The following NRXN3 variants were observed in gnomAD, a reference collection of about 807,000 sequenced individuals.
The protein encoded by NRXN3 is neurexin 3.
In NRXN3, 32 loss-of-function variants were observed where a neutral mutation model predicts 137.6. That is an observed-to-expected ratio of 0.23 (90% CI 0.18 to 0.31). The LOEUF (loss-of-function observed/expected upper bound fraction) is 0.31, where lower values mean the gene tolerates loss of function less well. Ranked by LOEUF, NRXN3 falls within the 10% of genes least tolerant of loss-of-function variation. The pLI is 1.00. For synonymous variants in NRXN3, 798 were observed against 784.5 expected (o/e 1.02, Z -0.29); for missense variants, 1,574 against 2,062.5 (o/e 0.76, Z 4.59).
rs570735616 is a variant in NRXN3 at position 79,548,216 on chromosome 14, G to A, written c.3444+80814G>A. The stretch of plus-strand genomic sequence containing the variant: ...CTCCACCCACCTGACAGGTCTCAGT[G>A]TGTGATGTTCCCCTCCTTGTGTCCA... On this transcript the variant is annotated intron_variant, in intron 16 of 20. Transcript: ENST00000335750. 2.0e-5 allele frequency among the ~76,000 whole-genome samples: 3 copies of A among 152,158 alleles called. No homozygotes were observed. The South Asian group carries it at 6.2e-4, about 32-fold the overall frequency.
At chr14:78,363,726 C>T (rs904367908) in intron 4 of NRXN3, among the ~76,000 whole-genome samples, 2 of 152,176 alleles carry the variant, frequency 1.3e-5, no homozygotes, top group Non-Finnish European at 2.9e-5. Flanking sequence ...TTCCATGCAT[C>T]CACTGTGAAC....
chr14:79,769,305 C>T lies in NRXN3; in HGVS notation c.4015-35807C>T, dbSNP rs1475954787. 2.7e-5 allele frequency among the ~76,000 whole-genome samples: 4 copies of T among 150,772 alleles called. No individual in the cohort carries two copies. In the East Asian group the frequency reaches 7.8e-4, roughly 30 times the overall value. On this transcript the variant is annotated intron_variant, in intron 19 of 20. Coordinates refer to ENST00000335750, the MANE Select transcript of NRXN3 (RefSeq NM_001330195.2). Reference sequence around the variant, plus strand: ...AAGATACTCCTCGAGAAGAGCAACTCCAAGACACATAATTGTCAGATTCAC... The same window carrying T: ...AAGATACTCCTCGAGAAGAGCAACTTCAAGACACATAATTGTCAGATTCAC...
At chr14:79,463,945 T>A (rs2096387116) in intron 15 of NRXN3, among the ~76,000 whole-genome samples, 1 of 152,212 alleles carries the variant, frequency 6.6e-6, no homozygotes, top group South Asian at 2.1e-4. Flanking sequence ...ATTAACTTTT[T>A]TATTTGAATA....
chr14:78,225,010 C>G (rs918963319), intron 1 of NRXN3, among the ~76,000 whole-genome samples: 3 of 152,168 alleles, frequency 2.0e-5, no homozygotes, highest in African/African-American at 7.2e-5. Context: ...TCATGATCCA[C>G]CTGCCTCGGC....
chr14:79,199,466 C>A (rs964191404), intron 15 of NRXN3, among the ~76,000 whole-genome samples: 4 of 152,262 alleles, frequency 2.6e-5, no homozygotes, highest in African/African-American at 9.6e-5. Flanking sequence ...AAACAAACTA[C>A]AATGTTCACT....
chr14:78,214,846 A>C (rs1384228417), intron 1 of NRXN3, among the ~76,000 whole-genome samples: 1 of 151,938 alleles, frequency 6.6e-6, no homozygotes, highest in African/African-American at 2.4e-5. Flanking sequence ...ACTCGAGTGC[A>C]CTCTTTGCTG....
chr14:79,156,727 T>C (rs997893641), intron 15 of NRXN3, among the ~76,000 whole-genome samples: 47 of 151,908 alleles, frequency 3.1e-4, no homozygotes, highest in African/African-American at 1.1e-3. Context: ...GTCTACAGAA[T>C]CCAAGTAAAG....
In NRXN3 at chr14:78,243,901, C is replaced by T. The variant is rs2067314274; in HGVS notation, c.709+99C>T. On this transcript the variant is annotated intron_variant, in intron 2 of 20. Coordinates refer to ENST00000335750, the MANE Select transcript of NRXN3 (RefSeq NM_001330195.2). The surrounding 1 kb of genome is among the most constrained non-coding windows in gnomAD (Gnocchi z 4.2). ...GTTCTATATGGATGCATATCTTTAGCTGCATGTTAGATCACTGGGCCCCTT... is the reference window on the plus strand; with the variant it reads ...GTTCTATATGGATGCATATCTTTAGTTGCATGTTAGATCACTGGGCCCCTT... 1 of 877,968 alleles carries T rather than the reference C, an allele frequency of 1.1e-6. No homozygotes were observed. The highest frequency in any genetic ancestry group is 1.7e-5 in the South Asian group (1 of 59,530). 54.4% of individuals were successfully genotyped at this position (877,968 alleles called of 1,614,324 possible).
intron 19 of NRXN3, among the ~76,000 whole-genome samples, chr14:79,784,661 G>A (rs992689218): frequency 7.9e-5 from 11 of 139,368 alleles, no homozygotes; most frequent in African/African-American, 2.7e-4. Context: ...GTTCAAACGA[G>A]CACAGCATGG....
rs75761696 is a variant in NRXN3, at chr14:78,991,406, C to G, written c.3262+3265C>G. 7.0e-3 allele frequency among the ~76,000 whole-genome samples: 1,061 copies of G among 152,176 alleles called. 12 individuals are homozygous for G. The highest frequency in any genetic ancestry group is 0.024 in the African/African-American group (1,006 of 41,516). Reference sequence around the variant, plus strand: ...TGCATATAGCTCAAACAAATTGTATCCATTTAAATGCTATCATAGGACCAT... The same window carrying G: ...TGCATATAGCTCAAACAAATTGTATGCATTTAAATGCTATCATAGGACCAT... On this transcript the variant is annotated intron_variant, in intron 15 of 20. Coordinates refer to ENST00000335750, the MANE Select transcript of NRXN3 (RefSeq NM_001330195.2).
At position 79,527,934 on chromosome 14, in the gene NRXN3, A is replaced by G. The variant is rs17109365; in HGVS notation, c.3444+60532A>G. Among the ~76,000 whole-genome samples the G allele has an allele frequency of 9.6e-3, 1,462 of 152,020 alleles. 60 individuals carry two copies. The East Asian group carries it at 0.12, about 13-fold the overall frequency. On this transcript the variant is annotated intron_variant, in intron 16 of 20. Transcript: ENST00000335750. ...CAGTAGTAGCAGGAGTAGTAGTAGT[A>G]ACAGATAAAACCTATCATTGGCAGC...
chr14:78,404,936 A>G (rs2092382939), intron 4 of NRXN3, among the ~76,000 whole-genome samples: 1 of 152,174 alleles, frequency 6.6e-6, no homozygotes, highest in Non-Finnish European at 1.5e-5. Flanking sequence ...GTCTACTTTC[A>G]TCTCTGTCTT....
chr14:79,793,649 A>AG (rs1175170345), intron 19 of NRXN3, among the ~76,000 whole-genome samples: 1 of 152,214 alleles, frequency 6.6e-6, no homozygotes, highest in Non-Finnish European at 1.5e-5. Context: ...CCAAAAATCC[A>AG]GAAAAAAAAG....
intron 4 of NRXN3, among the ~76,000 whole-genome samples, chr14:78,442,784 T>C (rs2094301177): frequency 6.6e-6 from 1 of 152,230 alleles, no homozygotes; most frequent in Admixed American, 6.5e-5. Context: ...GCTTTTATTG[T>C]TAAACAACAT....
chr14:78,915,345 CAAAAAAAAAAAAAAA>C (rs35908076), intron 10 of NRXN3, among the ~76,000 whole-genome samples: 4 of 11,196 alleles, frequency 3.6e-4, no homozygotes, highest in Non-Finnish European at 7.7e-4. Context: ...ACGTGTGAAG[CAAAAAAAAAAAAAAA>C]AAAAAAAAAA....
intron 16 of NRXN3, among the ~76,000 whole-genome samples, chr14:79,632,639 C>A (rs1263940162): frequency 6.6e-6 from 1 of 151,678 alleles, no homozygotes; most frequent in Non-Finnish European, 1.5e-5. Flanking sequence ...CTGTCTTTGC[C>A]TAAGACGTGT....
At chr14:79,221,387 C>A (rs142125191) in intron 15 of NRXN3, among the ~76,000 whole-genome samples, 2,030 of 152,220 alleles carry the variant, frequency 0.013, 30 homozygotes, top group South Asian at 0.032. Flanking sequence ...AAAAGCGTTC[C>A]TATTTCTTCA....
At chr14:78,561,024 AG>A in intron 4 of NRXN3, among the ~76,000 whole-genome samples, 1 of 152,166 alleles carries the variant, frequency 6.6e-6, no homozygotes, top group Non-Finnish European at 1.5e-5. Context: ...CCCAAATTTT[AG>A]TGACTTAGAA....
chr14:79,859,565 G>T (rs1603620449), intron 20 of NRXN3, among the ~76,000 whole-genome samples: 1 of 152,204 alleles, frequency 6.6e-6, no homozygotes, highest in Non-Finnish European at 1.5e-5. Context: ...AGGCTCCAAG[G>T]CTTATTCACT....
Sources: allele counts gnomAD v4.1 joint callset (sites outside exome capture counted in the v4.1 genomes callset), GRCh38; gene constraint gnomAD v4.1.1; non-coding constraint Gnocchi (gnomAD v3.1); transcripts MANE v1.5; gene names NCBI Gene and HGNC (gene_info 2026-07-23, HGNC 2026-07-21).